Variants in PTK2 observed in about 807,000 individuals in gnomAD.
The protein encoded by PTK2 is protein tyrosine kinase 2.
PTK2 carries 45 observed loss-of-function variants against 150.1 expected under a neutral mutation model. The ratio of observed to expected loss-of-function variants is 0.30; its 90% CI spans 0.24 to 0.38. PTK2 has a LOEUF of 0.38. PTK2 is among the 10% of genes least tolerant of loss of function. The pLI is 1.00. For missense variants in PTK2, 919 were observed against 1,307.3 expected, an observed-to-expected ratio of 0.70 and a Z score of 4.58; for synonymous variants, 432 against 449.2, an observed-to-expected ratio of 0.96 and a Z score of 0.48.
intron 14 of PTK2, among the ~76,000 whole-genome samples, chr8:140,783,748 A>G (rs1237184697): frequency 1.3e-5 from 2 of 152,242 alleles, no homozygotes; most frequent in Non-Finnish European, 2.9e-5. Flanking sequence ...CCAGTCACTA[A>G]CCTGAAAAAC....
In PTK2 at chr8:140,659,817, C is replaced by T. The variant is rs2076872754; in HGVS notation, c.2947-139G>A. On this transcript the variant is annotated intron_variant, in intron 31 of 31. Transcript: ENST00000522684. ...GAATCTTCCTGCCTCAGCCTTCCCA[C>T]TAGCTGGGAACACAGGCACATGCCA... 3.1e-5 allele frequency: 23 copies of T among 733,196 alleles called. No homozygotes were observed. In the South Asian group the frequency reaches 4.4e-4, roughly 14 times the overall value. The allele number at this position is 733,196 out of a possible 1,614,324, so 45.4% of individuals were successfully genotyped here.
At chr8:140,681,025 T>C (rs1306446525) in intron 27 of PTK2, among the ~76,000 whole-genome samples, 1 of 152,202 alleles carries the variant, frequency 6.6e-6, no homozygotes, top group Non-Finnish European at 1.5e-5. Context: ...AGACATCTGC[T>C]GATGGAAATT....
intron 5 of PTK2, among the ~76,000 whole-genome samples, chr8:140,859,476 C>T (rs1347375574): frequency 6.6e-6 from 1 of 152,136 alleles, no homozygotes; most frequent in Non-Finnish European, 1.5e-5. Context: ...TTCTGAGCCC[C>T]ATAAAAATCA....
intron 26 of PTK2, among the ~76,000 whole-genome samples, chr8:140,696,918 C>G (rs1422866549): frequency 1.3e-5 from 2 of 151,898 alleles, no homozygotes; most frequent in African/African-American, 4.8e-5. Flanking sequence ...TACCATCTCA[C>G]AGGCATTAAG....
intron 1 of PTK2, among the ~76,000 whole-genome samples, chr8:140,932,723 T>C (rs1277876507): frequency 2.6e-5 from 4 of 152,186 alleles, no homozygotes; most frequent in African/African-American, 9.7e-5. Context: ...AGAAATAATG[T>C]ATTCATTCAC....
chr8:140,860,754 G>A (rs541327240), intron 5 of PTK2, among the ~76,000 whole-genome samples: 127 of 152,254 alleles, frequency 8.3e-4, no homozygotes, highest in African/African-American at 2.6e-3. Context: ...GATCACAGGC[G>A]TTAGCCACCG....
At chr8:140,969,052 T>C (rs1252257996) in intron 1 of PTK2, among the ~76,000 whole-genome samples, 2 of 152,164 alleles carry the variant, frequency 1.3e-5, no homozygotes, top group Admixed American at 1.3e-4. Context: ...GTCACTCCTC[T>C]TGAAAGCAAC....
intron 10 of PTK2, among the ~76,000 whole-genome samples, chr8:140,813,811 T>C (rs971041789): frequency 7.3e-6 from 1 of 136,316 alleles, no homozygotes; most frequent in African/African-American, 3.0e-5. Context: ...AAAACCAGGA[T>C]GAATTGAAGG....
intron 12 of PTK2, among the ~76,000 whole-genome samples, chr8:140,795,596 ATT>A (rs2100091066): frequency 6.6e-6 from 1 of 151,962 alleles, no homozygotes. Context: ...TACAGTATTT[ATT>A]TTCTCTATTA....
At chr8:140,728,800 C>T (rs1288144518) in intron 22 of PTK2, among the ~76,000 whole-genome samples, 1 of 152,108 alleles carries the variant, frequency 6.6e-6, no homozygotes, top group Non-Finnish European at 1.5e-5. Context: ...AGATTACAAG[C>T]GTGAGCCACT....
At chr8:140,854,240 G>A (rs907413599) in intron 5 of PTK2, among the ~76,000 whole-genome samples, 6 of 152,204 alleles carry the variant, frequency 3.9e-5, no homozygotes, top group African/African-American at 1.4e-4. Flanking sequence ...ATCTGTAGGA[G>A]TAAACAATGA....
chr8:140,857,945 AC>A (rs2154605317), intron 5 of PTK2, among the ~76,000 whole-genome samples: 1 of 152,280 alleles, frequency 6.6e-6, no homozygotes, highest in East Asian at 1.9e-4. Context: ...CCAACAACAA[AC>A]GTGAAGAGCC....
intron 10 of PTK2, among the ~76,000 whole-genome samples, chr8:140,804,701 T>C (rs1331028097): frequency 6.6e-6 from 1 of 152,204 alleles, no homozygotes; most frequent in Non-Finnish European, 1.5e-5. Flanking sequence ...GGCGAACAGA[T>C]GATGCCACTA....
intron 11 of PTK2, among the ~76,000 whole-genome samples, chr8:140,801,715 CATA>C (rs1385521712): frequency 3.3e-5 from 5 of 152,112 alleles, no homozygotes; most frequent in Non-Finnish European, 5.9e-5. Context: ...ATTATAATCA[CATA>C]ATAATTTCTA....
rs1037508098 is a variant in PTK2, at chr8:140,818,157, A to G, written c.867+120T>C. 5 of 871,206 alleles carry G rather than the reference A, an allele frequency of 5.7e-6. No homozygotes were observed. The African/African-American group carries it at 8.4e-5, about 15-fold the overall frequency. The allele number at this position is 871,206 out of a possible 1,614,324, so 54.0% of individuals were successfully genotyped here. On this transcript the variant is annotated intron_variant, in intron 10 of 31. Coordinates refer to ENST00000522684, the Ensembl canonical transcript of PTK2. ...TTGTCCCCCACTCCACTGAACAATA[A>G]ATGCAGTGCAATAGGAAAATTTAAT... is the stretch of plus-strand genomic sequence containing the variant.
At chr8:140,874,413 C>A (rs2100144375) in intron 4 of PTK2, among the ~76,000 whole-genome samples, 1 of 152,154 alleles carries the variant, frequency 6.6e-6, no homozygotes, top group African/African-American at 2.4e-5. Flanking sequence ...GACTAGAGAT[C>A]TTACTTCTCA....
chr8:140,910,982 A>G (rs1415169305), intron 2 of PTK2, among the ~76,000 whole-genome samples: 2 of 152,044 alleles, frequency 1.3e-5, no homozygotes, highest in African/African-American at 4.8e-5. Context: ...GACTCAAGCA[A>G]TTCTCCCACC....
intron 1 of PTK2, among the ~76,000 whole-genome samples, chr8:140,946,740 T>C (rs1055123939): frequency 6.6e-6 from 1 of 152,184 alleles, no homozygotes; most frequent in African/African-American, 2.4e-5. Flanking sequence ...ACGTCCCACC[T>C]TCCAGTACAT....
intron 27 of PTK2, among the ~76,000 whole-genome samples, chr8:140,678,502 T>C (rs2153493532): frequency 6.6e-6 from 1 of 152,196 alleles, no homozygotes; most frequent in East Asian, 1.9e-4. Flanking sequence ...CACAGGTGCA[T>C]GCCATCACAC....
Sources: allele counts gnomAD v4.1 joint callset (sites outside exome capture counted in the v4.1 genomes callset), GRCh38; gene constraint gnomAD v4.1.1; transcripts MANE v1.5; gene names NCBI Gene and HGNC (gene_info 2026-07-23, HGNC 2026-07-21).